The following NDUFAF6 variants were observed in gnomAD, a reference collection of about 807,000 sequenced individuals.
NDUFAF6 encodes NADH dehydrogenase (ubiquinone) complex I, assembly factor 6.
Under a neutral mutation model 40.8 loss-of-function variants are expected in NDUFAF6, and 45 were observed. That is an observed-to-expected ratio of 1.10 (90% CI 0.87 to 1.42). NDUFAF6 has a LOEUF of 1.42. Among genes scored for constraint, NDUFAF6 ranks in the 40% most tolerant of loss-of-function variants. NDUFAF6 has a pLI of 0.00. For synonymous variants in NDUFAF6, 185 were observed against 155.9 expected (o/e 1.19, Z -1.39); for missense variants, 435 against 418.5 (o/e 1.04, Z -0.34).
chr8:94,958,578 A>G (rs2131464659), intron 1 of NDUFAF6, among the ~76,000 whole-genome samples: 1 of 116,942 alleles, frequency 8.6e-6, no homozygotes, highest in South Asian at 2.8e-4. Flanking sequence ...TCTGTCGCTC[A>G]GGCTAGAGTG....
upstream of NDUFAF6, among the ~76,000 whole-genome samples, chr8:95,023,761 T>C (rs1827798080): frequency 6.6e-6 from 1 of 152,118 alleles, no homozygotes; most frequent in Non-Finnish European, 1.5e-5. Flanking sequence ...TATGGGAGAC[T>C]GAGGTGGGCG....
intron 3 of NDUFAF6, among the ~76,000 whole-genome samples, chr8:95,039,469 G>T (rs1244935014): frequency 3.3e-5 from 5 of 151,204 alleles, no homozygotes; most frequent in Admixed American, 2.0e-4. Flanking sequence ...AAAAAGGGGG[G>T]GTTTCACTGT....
At chr8:94,921,762 T>C (rs1458686689) in intron 1 of NDUFAF6, among the ~76,000 whole-genome samples, 1 of 152,152 alleles carries the variant, frequency 6.6e-6, no homozygotes, top group Non-Finnish European at 1.5e-5. Flanking sequence ...GGCTGAAATA[T>C]GGGAAGAGCA....
intron 2 of NDUFAF6, among the ~76,000 whole-genome samples, chr8:95,005,298 C>A (rs1369633817): frequency 2.0e-5 from 3 of 151,976 alleles, no homozygotes; most frequent in African/African-American, 7.3e-5. Flanking sequence ...GCATCAGGAA[C>A]CATTCACAAG....
chr8:95,005,808 C>T (rs1826952042), intron 2 of NDUFAF6, among the ~76,000 whole-genome samples: 2 of 151,830 alleles, frequency 1.3e-5, no homozygotes, highest in African/African-American at 4.8e-5. Context: ...AATGTCTCCA[C>T]CCCAACTGGA....
chr8:95,065,486 T>C lies in NDUFAF6; in HGVS notation c.*512-10147T>C, dbSNP rs10089832. ...CATACATATAAGTACATTCTACATA[T>C]TGTTTTTTAGTCTACATTTTAATTT... is the stretch of plus-strand genomic sequence containing the variant. On this transcript the variant is annotated intron_variant and NMD_transcript_variant, in intron 9 of 9. Transcript: ENST00000520757. 3.4e-3 allele frequency among the ~76,000 whole-genome samples: 525 copies of C among 152,356 alleles called. 3 individuals carry two copies. The highest frequency in any genetic ancestry group is 0.012 in the African/African-American group (489 of 41,590).
intron 1 of NDUFAF6, among the ~76,000 whole-genome samples, chr8:94,897,026 G>A (rs771305703): frequency 6.6e-6 from 1 of 152,166 alleles, no homozygotes; most frequent in Admixed American, 6.5e-5. Context: ...CACTCAAAAC[G>A]CAGTTAGCGG....
At chr8:94,903,411 ACAG>A (rs1371271032) in intron 1 of NDUFAF6, among the ~76,000 whole-genome samples, 1 of 152,212 alleles carries the variant, frequency 6.6e-6, no homozygotes, top group Non-Finnish European at 1.5e-5. Flanking sequence ...AAAATGAAGT[ACAG>A]CCATGTGTAT....
rs534314706 is a variant in NDUFAF6 at position 95,041,753 on chromosome 8, C to T, written c.477+127C>T. 2.0e-5 allele frequency: 16 copies of T among 802,462 alleles called. No individual in the cohort carries two copies. The African/African-American group carries it at 2.2e-4, about 11-fold the overall frequency. The allele number at this position is 802,462 out of a possible 1,614,324, so 49.7% of individuals were successfully genotyped here. A position where few individuals can be genotyped will look rare whatever the true frequency, so the allele number is the denominator to read the frequency against. ...GGAAGGAAACTTTTAGAGAATTATGCCATTTTATTCATACTTTACCCTTGC... is the reference window on the plus strand; with the variant it reads ...GGAAGGAAACTTTTAGAGAATTATGTCATTTTATTCATACTTTACCCTTGC... On this transcript the variant is annotated intron_variant, in intron 4 of 8. Transcript: ENST00000396124.
chr8:95,028,429 T>G (rs1321997657), intron 1 of NDUFAF6, among the ~76,000 whole-genome samples: 1 of 152,218 alleles, frequency 6.6e-6, no homozygotes, highest in African/African-American at 2.4e-5. Context: ...TGATCCTAAG[T>G]GATGAAGAAA....
intron 1 of NDUFAF6, chr8:94,932,118 T>G: frequency 6.2e-7 from 1 of 1,608,122 alleles, no homozygotes; most frequent in Non-Finnish European, 8.5e-7. Flanking sequence ...CTACAAATGT[T>G]AAATGGTGAA....
chr8:95,018,138 T>C (rs2131690020), intron 2 of NDUFAF6, among the ~76,000 whole-genome samples: 1 of 152,196 alleles, frequency 6.6e-6, no homozygotes, highest in South Asian at 2.1e-4. Flanking sequence ...CCTCCAGGGC[T>C]TGAAAAATCC....
intron 1 of NDUFAF6, among the ~76,000 whole-genome samples, chr8:94,925,472 G>T (rs370605907): frequency 6.6e-6 from 1 of 152,096 alleles, no homozygotes; most frequent in African/African-American, 2.4e-5. Context: ...TTGATTGGAG[G>T]GAAAGGTACT....
intron 9 of NDUFAF6, among the ~76,000 whole-genome samples, chr8:95,064,120 G>C (rs1428237844): frequency 7.2e-6 from 1 of 138,776 alleles, no homozygotes; most frequent in African/African-American, 2.7e-5. Context: ...TCGATCTCCT[G>C]ACCTCGTGAT....
At chr8:94,968,784 C>T (rs545614586) in intron 1 of NDUFAF6, among the ~76,000 whole-genome samples, 2 of 152,262 alleles carry the variant, frequency 1.3e-5, no homozygotes, top group South Asian at 4.1e-4. Flanking sequence ...GATTCTACTG[C>T]AGTGGCCCAG....
intron 3 of NDUFAF6, among the ~76,000 whole-genome samples, chr8:95,036,968 A>T (rs753186119): frequency 6.6e-6 from 1 of 152,352 alleles, no homozygotes; most frequent in Non-Finnish European, 1.5e-5. Context: ...CTGCTGGAGC[A>T]TATGGGGCAT....
intron 1 of NDUFAF6, chr8:94,930,660 G>A (rs2131310812): frequency 6.2e-7 from 1 of 1,614,228 alleles, no homozygotes; most frequent in East Asian, 2.2e-5. Flanking sequence ...TTCCAGAAAA[G>A]TTGTATGAGC....
At chr8:94,937,262 G>A (rs541718645) in intron 1 of NDUFAF6, among the ~76,000 whole-genome samples, 2 of 152,202 alleles carry the variant, frequency 1.3e-5, no homozygotes, top group African/African-American at 4.8e-5. Flanking sequence ...CAAATATGGT[G>A]AAACCCCCTT....
chr8:95,058,335 A>C lies in NDUFAF6; in HGVS notation c.*398A>C, dbSNP rs1832442608. On this transcript the variant is annotated 3_prime_UTR_variant, in exon 9 of 9. Coordinates refer to ENST00000396124, the MANE Select transcript of NDUFAF6 (RefSeq NM_152416.4). ...TATCATAGGGGCTTACATGCTGAGC[A>C]GCTATAACCTAGGTGTTCAGAACAC... is the stretch of plus-strand genomic sequence containing the variant. 10 of 1,250,026 alleles carry C rather than the reference A, an allele frequency of 8.0e-6. No homozygotes were observed. The highest frequency in any genetic ancestry group is 1.0e-5 in the Non-Finnish European group (10 of 998,916). The allele number at this position is 1,250,026 out of a possible 1,614,324, so 77.4% of individuals were successfully genotyped here.
Sources: allele counts gnomAD v4.1 joint callset (sites outside exome capture counted in the v4.1 genomes callset), GRCh38; gene constraint gnomAD v4.1.1; transcripts MANE v1.5; gene names NCBI Gene and HGNC (gene_info 2026-07-23, HGNC 2026-07-21).